TAFA4: variants seen among roughly 807,000 people sequenced by gnomAD.
TAFA4 encodes TAFA chemokine like family member 4, also known as chemokine-like protein TAFA-4.
Under a neutral mutation model 21.1 loss-of-function variants are expected in TAFA4, and 20 were observed. The ratio of observed to expected loss-of-function variants is 0.95; its 90% CI spans 0.67 to 1.38. The LOEUF (loss-of-function observed/expected upper bound fraction) is 1.38, where lower values mean the gene tolerates loss of function less well. Ranked by LOEUF, TAFA4 falls within the 40% of genes most tolerant of loss-of-function variation. The pLI is 0.00. For missense variants in TAFA4, 211 were observed against 180.9 expected, an observed-to-expected ratio of 1.17 and a Z score of -0.95; for synonymous variants, 71 against 67.4, an observed-to-expected ratio of 1.05 and a Z score of -0.26.
intron 3 of TAFA4, among the ~76,000 whole-genome samples, chr3:68,804,926 T>G (rs1703660617): frequency 6.6e-6 from 1 of 152,134 alleles, no homozygotes; most frequent in South Asian, 2.1e-4. Flanking sequence ...CCAAAAGCAA[T>G]GGCAACAAAA....
intron 5 of TAFA4, among the ~76,000 whole-genome samples, chr3:68,735,884 C>T (rs1702233311): frequency 6.6e-6 from 1 of 152,086 alleles, no homozygotes. Flanking sequence ...GCTGTCTGTG[C>T]TTTGTAGGAT....
At chr3:68,835,137 G>A (rs967848029) in intron 3 of TAFA4, among the ~76,000 whole-genome samples, 3 of 151,972 alleles carry the variant, frequency 2.0e-5, no homozygotes, top group Admixed American at 6.6e-5. Flanking sequence ...GGAACACCTG[G>A]CCCCCAGTTA....
intron 4 of TAFA4, among the ~76,000 whole-genome samples, chr3:68,742,183 C>G (rs144391725): frequency 7.0e-6 from 1 of 143,626 alleles, no homozygotes; most frequent in South Asian, 2.5e-4. Context: ...AAACTCTCAA[C>G]AAAGATAATT....
intron 1 of TAFA4, among the ~76,000 whole-genome samples, chr3:68,905,336 A>C (rs906767861): frequency 6.6e-6 from 1 of 151,812 alleles, no homozygotes; most frequent in Non-Finnish European, 1.5e-5. Flanking sequence ...CACCTAGCTA[A>C]GTTTTTGTAT....
chr3:68,838,539 C>T (rs1184268800), intron 3 of TAFA4, among the ~76,000 whole-genome samples: 1 of 152,200 alleles, frequency 6.6e-6, no homozygotes, highest in Non-Finnish European at 1.5e-5. Flanking sequence ...AACAGCCAGG[C>T]ACTGTTCTAG....
At chr3:68,842,257 T>C (rs1704681780) in intron 3 of TAFA4, among the ~76,000 whole-genome samples, 1 of 152,250 alleles carries the variant, frequency 6.6e-6, no homozygotes. Flanking sequence ...TAGGAGATGG[T>C]ACCTCACTGC....
chr3:68,875,760 T>G (rs991654257), intron 3 of TAFA4, among the ~76,000 whole-genome samples: 4 of 152,132 alleles, frequency 2.6e-5, no homozygotes, highest in Non-Finnish European at 4.4e-5. Flanking sequence ...ACTGTCAAAT[T>G]ACTTTTGCCA....
At chr3:68,777,460 G>A (rs981240946) in intron 3 of TAFA4, among the ~76,000 whole-genome samples, 6 of 152,094 alleles carry the variant, frequency 3.9e-5, no homozygotes, top group African/African-American at 1.2e-4. Context: ...CTAAGGATAT[G>A]AAATTTCAAG....
intron 1 of TAFA4, among the ~76,000 whole-genome samples, chr3:68,893,662 CAT>C (rs2089755604): frequency 6.6e-6 from 1 of 152,114 alleles, no homozygotes. Context: ...AGCTCATGGA[CAT>C]ATATACACAG....
At chr3:68,787,654 A>C (rs997312507) in intron 3 of TAFA4, among the ~76,000 whole-genome samples, 2 of 152,254 alleles carry the variant, frequency 1.3e-5, no homozygotes, top group East Asian at 3.8e-4. Context: ...CACCACAAGC[A>C]GCAACACTTG....
intron 3 of TAFA4, among the ~76,000 whole-genome samples, chr3:68,880,439 C>T (rs889506026): frequency 2.0e-5 from 3 of 152,114 alleles, no homozygotes; most frequent in African/African-American, 2.4e-5. Flanking sequence ...CACACACACA[C>T]GCCAACCACA....
At chr3:68,878,446 T>C (rs1474034630) in intron 3 of TAFA4, among the ~76,000 whole-genome samples, 1 of 152,200 alleles carries the variant, frequency 6.6e-6, no homozygotes, top group Non-Finnish European at 1.5e-5. Flanking sequence ...AAATCTTTAA[T>C]TCCACAGGAG....
At chr3:68,910,395 C>T (rs894019306) in intron 1 of TAFA4, among the ~76,000 whole-genome samples, 2 of 152,208 alleles carry the variant, frequency 1.3e-5, no homozygotes, top group Non-Finnish European at 2.9e-5. Context: ...TCATGATAGG[C>T]ACCCTAAATA....
At chr3:68,736,092 T>C (rs1007073503) in intron 5 of TAFA4, among the ~76,000 whole-genome samples, 1 of 152,098 alleles carries the variant, frequency 6.6e-6, no homozygotes, top group African/African-American at 2.4e-5. Context: ...AAGTCTAAAA[T>C]GTCTTAAGAT....
chr3:68,737,917 A>G (rs1702273714), intron 5 of TAFA4, among the ~76,000 whole-genome samples: 1 of 152,190 alleles, frequency 6.6e-6, no homozygotes, highest in Non-Finnish European at 1.5e-5. Context: ...TCTTAGAATG[A>G]CCTTGGTCAT....
Position 68,732,292 on chromosome 3 carries a change from T to C in TAFA4, c.*850A>G, listed in dbSNP as rs975692065. ...TCGGAGTTAAAATCTTTTCATATAA[T>C]TGGCATAAATTTGATCTAAGAAATA... is the stretch of plus-strand genomic sequence containing the variant. On this transcript the variant is annotated 3_prime_UTR_variant, in exon 6 of 6. Transcript: ENST00000295569. 6.6e-6 allele frequency: 1 copy of C among 152,594 alleles called. No homozygotes were observed. Among genetic ancestry groups the C allele is most frequent in the African/African-American group, 2.4e-5 (1 of 41,444 alleles). The allele number at this position is 152,594 out of a possible 1,614,324, so 9.5% of individuals were successfully genotyped here.
At chr3:68,805,998 AAAAATT>A (rs1323103860) in intron 3 of TAFA4, among the ~76,000 whole-genome samples, 1 of 152,118 alleles carries the variant, frequency 6.6e-6, no homozygotes, top group Non-Finnish European at 1.5e-5. Flanking sequence ...CAGAGAAGAA[AAAAATT>A]AAAATAAAAA....
Position 68,743,421 on chromosome 3 carries a change from C to T in TAFA4, c.287-4222G>A, listed in dbSNP as rs1046935710. On this transcript the variant is annotated intron_variant, in intron 4 of 5. Transcript: ENST00000295569. ...TGAAACCCCGCCTCTACTAAAAATG[C>T]GAACATTCACTGGGCATGGTGGTGT... 5.1e-4 allele frequency among the ~76,000 whole-genome samples: 77 copies of T among 151,952 alleles called. 1 individual carries two copies. The highest frequency in any genetic ancestry group is 1.8e-3 in the African/African-American group (75 of 41,466).
At chr3:68,895,179 G>A (rs2089776157) in intron 1 of TAFA4, among the ~76,000 whole-genome samples, 1 of 152,178 alleles carries the variant, frequency 6.6e-6, no homozygotes, top group Non-Finnish European at 1.5e-5. Flanking sequence ...TGTATTTTTA[G>A]CAGAGATGGC....
Sources: allele counts gnomAD v4.1 joint callset (sites outside exome capture counted in the v4.1 genomes callset), GRCh38; gene constraint gnomAD v4.1.1; transcripts MANE v1.5; gene names NCBI Gene and HGNC (gene_info 2026-07-23, HGNC 2026-07-21).